The following PLXNA4 variants were observed in gnomAD, a reference collection of about 807,000 sequenced individuals.
The protein encoded by PLXNA4 is plexin-A4.
In PLXNA4, 44 loss-of-function variants were observed where a neutral mutation model predicts 191.8. The observed-to-expected ratio is 0.23, with a 90% CI of 0.18 to 0.29. The LOEUF is 0.29. PLXNA4 is among the 10% of genes least tolerant of loss of function. PLXNA4 has a pLI of 1.00. For missense variants in PLXNA4, 1,800 were observed against 2,488.8 expected, an observed-to-expected ratio of 0.72 and a Z score of 5.89; for synonymous variants, 1,082 against 1,009.5, an observed-to-expected ratio of 1.07 and a Z score of -1.36.
At chr7:132,206,031 T>C (rs1797604655) in intron 10 of PLXNA4, among the ~76,000 whole-genome samples, 2 of 114,788 alleles carry the variant, frequency 1.7e-5, no homozygotes, top group South Asian at 7.2e-4. Flanking sequence ...GTTATCTGTA[T>C]GTCCATAAGT....
At chr7:132,452,226 G>A (rs951556733) in intron 3 of PLXNA4, among the ~76,000 whole-genome samples, 2 of 152,190 alleles carry the variant, frequency 1.3e-5, no homozygotes, top group African/African-American at 4.8e-5. Flanking sequence ...CCCCAGCAAG[G>A]CATCCCAGCA....
At chr7:132,243,533 T>G (rs1234151697) in intron 4 of PLXNA4, among the ~76,000 whole-genome samples, 1 of 152,218 alleles carries the variant, frequency 6.6e-6, no homozygotes, top group African/African-American at 2.4e-5. Context: ...TGTTTAATAA[T>G]GTCCATACCC....
chr7:132,590,218 AG>A (rs1184556028), intron 2 of PLXNA4, among the ~76,000 whole-genome samples: 1 of 152,222 alleles, frequency 6.6e-6, no homozygotes, highest in African/African-American at 2.4e-5. Context: ...CAGGCACAGA[AG>A]GTAACTGAGG....
At chr7:132,262,881 C>T (rs1185287548) in intron 4 of PLXNA4, among the ~76,000 whole-genome samples, 1 of 152,120 alleles carries the variant, frequency 6.6e-6, no homozygotes, top group African/African-American at 2.4e-5. Flanking sequence ...GTCAGTGGTT[C>T]AAGTTCACAC....
chr7:132,394,472 C>T (rs911735624), intron 3 of PLXNA4, among the ~76,000 whole-genome samples: 3 of 152,210 alleles, frequency 2.0e-5, no homozygotes, highest in East Asian at 1.9e-4. Flanking sequence ...CACTTCACCT[C>T]TCTGACCCTA....
At chr7:132,336,976 C>T (rs1348876187) in intron 3 of PLXNA4, among the ~76,000 whole-genome samples, 1 of 152,242 alleles carries the variant, frequency 6.6e-6, no homozygotes, top group Admixed American at 6.5e-5. Context: ...TCACTCCCAT[C>T]ACACCCAGGA....
In PLXNA4 at chr7:132,228,500, G is replaced by T. The variant is rs202247426; in HGVS notation, c.1605-31C>A. On this transcript the variant is annotated intron_variant, in intron 5 of 31. Transcript: ENST00000321063. ...AAGGACATACCCTCGAGTTACTCAG[G>T]AGATGGCCGCTTGGTCCAGGGAGGG... is the stretch of plus-strand genomic sequence containing the variant. The T allele has an allele frequency of 3.2e-5, 52 of 1,612,878 alleles. No individual in the cohort carries two copies. The Middle Eastern group carries it at 5.0e-4, about 15-fold the overall frequency.
chr7:132,286,849 G>A (rs1012366335), intron 4 of PLXNA4, among the ~76,000 whole-genome samples: 2 of 152,160 alleles, frequency 1.3e-5, no homozygotes, highest in African/African-American at 4.8e-5. Flanking sequence ...ACAGCCTCCT[G>A]GGCCCTCCAT....
At chr7:132,382,783 G>A (rs545579406) in intron 3 of PLXNA4, among the ~76,000 whole-genome samples, 2 of 152,260 alleles carry the variant, frequency 1.3e-5, no homozygotes, top group African/African-American at 4.8e-5. Flanking sequence ...TATTGTCTGA[G>A]CTACCAATAT....
intron 4 of PLXNA4, among the ~76,000 whole-genome samples, chr7:132,272,223 C>A (rs1047561454): frequency 6.6e-6 from 1 of 152,174 alleles, no homozygotes. Context: ...TGCTATTTAA[C>A]CTCCTCAATA....
At chr7:132,635,874 C>T (rs1322125982) in intron 2 of PLXNA4, among the ~76,000 whole-genome samples, 1 of 152,098 alleles carries the variant, frequency 6.6e-6, no homozygotes, top group Non-Finnish European at 1.5e-5. Context: ...TTCCAAGGGC[C>T]GGGTTATTGA....
At chr7:132,282,012 C>T (rs570187152) in intron 4 of PLXNA4, among the ~76,000 whole-genome samples, 15 of 152,190 alleles carry the variant, frequency 9.9e-5, no homozygotes, top group Non-Finnish European at 1.9e-4. Context: ...CAGTGTCAAG[C>T]CCTCCAAGAT....
At chr7:132,436,929 T>A (rs1288783008) in intron 3 of PLXNA4, among the ~76,000 whole-genome samples, 1 of 152,138 alleles carries the variant, frequency 6.6e-6, no homozygotes, top group African/African-American at 2.4e-5. Flanking sequence ...CCAGCTCAGA[T>A]GCCACCCCTG....
At chr7:132,561,317 TCTC>T (rs1371124303) in intron 1 of PLXNA4, among the ~76,000 whole-genome samples, 1 of 97,084 alleles carries the variant, frequency 1.0e-5, no homozygotes, top group Non-Finnish European at 2.2e-5. Flanking sequence ...TTCTCCTTCT[TCTC>T]CTCCTCTTCC....
chr7:132,440,523 T>C (rs1322958755), intron 3 of PLXNA4, among the ~76,000 whole-genome samples: 1 of 152,102 alleles, frequency 6.6e-6, no homozygotes, highest in Non-Finnish European at 1.5e-5. Flanking sequence ...TATCAGAAAA[T>C]CCGTACTCTC....
At chr7:132,575,417 G>A (rs925532159) in intron 1 of PLXNA4, among the ~76,000 whole-genome samples, 1 of 152,162 alleles carries the variant, frequency 6.6e-6, no homozygotes, top group African/African-American at 2.4e-5. Flanking sequence ...GGGCAGTGCC[G>A]CCACGGTCGT....
intron 5 of PLXNA4, among the ~76,000 whole-genome samples, chr7:132,232,325 C>T (rs1798552157): frequency 6.6e-6 from 1 of 152,174 alleles, no homozygotes; most frequent in African/African-American, 2.4e-5. Flanking sequence ...GGTAGGAAAA[C>T]TAGAGCTGAA....
chr7:132,466,173 A>T (rs1796692060), intron 3 of PLXNA4, among the ~76,000 whole-genome samples: 1 of 152,188 alleles, frequency 6.6e-6, no homozygotes, highest in Non-Finnish European at 1.5e-5. Context: ...AGCAAGAAGG[A>T]TCCAAGAGAG....
chr7:132,632,235 C>CAAAAA (rs398006359), intron 2 of PLXNA4, among the ~76,000 whole-genome samples: 19 of 78,630 alleles, frequency 2.4e-4, no homozygotes, highest in African/African-American at 7.1e-4. Context: ...GACTCCATCT[C>CAAAAA]AAAAAAAAAA....
Sources: gnomAD v4.1 joint callset for allele counts (sites outside exome capture counted in the v4.1 genomes callset) on GRCh38, gnomAD v4.1.1 for gene constraint, MANE v1.5 for transcripts, NCBI Gene and HGNC (gene_info 2026-07-23, HGNC 2026-07-21) for gene names.